The following TET3 variants were observed in gnomAD, a reference collection of about 807,000 sequenced individuals.
TET3 encodes methylcytosine dioxygenase TET3.
TET3 carries 19 observed loss-of-function variants against 141.4 expected under a neutral mutation model. The ratio of observed to expected loss-of-function variants is 0.13; its 90% CI spans 0.09 to 0.20. TET3 has a LOEUF of 0.20. TET3 is among the 10% of genes least tolerant of loss of function. TET3 has a pLI of 1.00. For synonymous variants in TET3, 1,043 were observed against 980.9 expected (o/e 1.06, Z -1.18); for missense variants, 1,874 against 2,356.9 (o/e 0.80, Z 4.24).
Position 74,100,668 on chromosome 2 carries a change from C to T in TET3, c.3880C>T (p.Pro1294Ser). 6.2e-7 allele frequency: 1 copy of T among 1,614,060 alleles called. No individual in the cohort carries two copies. The change falls in exon 12 of 12, where the codon CCC becomes TCC. Residue 1294 changes from proline (P) to serine (S), a missense_variant. Coordinates refer to ENST00000409262, the MANE Select transcript of TET3 (RefSeq NM_001287491.2). Reference protein sequence around the residue: ...FSYYGFPSSNPVFPSQFLGPG... With the variant: ...FSYYGFPSSNSVFPSQFLGPG... ...CTACTATGGCTTTCCATCCAGCAAC[C>T]CCGTCTTCCCCTCTCAGTTCCTGGG...
chr2:74,047,896 C>G lies in TET3; in HGVS notation c.1979C>G (p.Pro660Arg). 2.5e-6 allele frequency: 4 copies of G among 1,613,428 alleles called. No individual in the cohort carries two copies. The highest frequency in any genetic ancestry group is 2.5e-6 in the Non-Finnish European group (3 of 1,179,676). ...CAGGGCTCTGCTGTGCCCCTGCCCC[C>G]AGAACCTTCTCTTGCGCTATTTGCA... ...ASQGSAVPLP[P>R]EPSLALFAPS... is the part of the protein sequence containing the mutation. Residue 660 changes from proline to arginine, a missense_variant, in exon 4 of 12, where the codon CCA becomes CGA. This residue lies in a region of TET3 where 484 missense variants were observed against 462.2 expected (regional missense o/e 1.05). Coordinates refer to ENST00000409262, the MANE Select transcript of TET3 (RefSeq NM_001287491.2).
intron 2 of TET3, among the ~76,000 whole-genome samples, chr2:73,987,581 A>G (rs1178687577): frequency 6.6e-6 from 1 of 152,218 alleles, no homozygotes; most frequent in African/African-American, 2.4e-5. Flanking sequence ...GAAGTTGAGC[A>G]GCTTAGGAGG....
At chr2:74,062,567 T>G (rs1305471688) in intron 4 of TET3, among the ~76,000 whole-genome samples, 1 of 152,222 alleles carries the variant, frequency 6.6e-6, no homozygotes, top group Non-Finnish European at 1.5e-5. Flanking sequence ...GGTGCTAACT[T>G]TTCTCTTTAG....
chr2:74,010,779 T>G (rs1479751173), intron 3 of TET3, among the ~76,000 whole-genome samples: 1 of 152,182 alleles, frequency 6.6e-6, no homozygotes, highest in Non-Finnish European at 1.5e-5. Context: ...TATTGATCAA[T>G]ACAGAGTTTG....
rs113914884 is a variant in TET3 at position 74,043,206 on chromosome 2, G to C, written c.361-3072G>C. Among the ~76,000 whole-genome samples the C allele has an allele frequency of 5.5e-3, 833 of 152,328 alleles. 6 individuals are homozygous for C. Among genetic ancestry groups the C allele is most frequent in the African/African-American group, 0.019 (795 of 41,576 alleles). On this transcript the variant is annotated intron_variant, in intron 3 of 11. Transcript: ENST00000409262. ...AGATTTGACCACTTCAGATTGTATA[G>C]CCTTGTTAGCCACATTAGTTTAGGC...
chr2:74,031,131 C>T (rs1026686294), intron 3 of TET3, among the ~76,000 whole-genome samples: 3 of 151,194 alleles, frequency 2.0e-5, no homozygotes, highest in Non-Finnish European at 2.9e-5. Flanking sequence ...GCAGGCTGAG[C>T]GGTGGGGCCT....
At chr2:74,072,825 C>A (rs1043349527) in intron 4 of TET3, among the ~76,000 whole-genome samples, 1 of 152,192 alleles carries the variant, frequency 6.6e-6, no homozygotes, top group African/African-American at 2.4e-5. Context: ...CTAGATAATT[C>A]ATATCAGGGA....
intron 3 of TET3, among the ~76,000 whole-genome samples, chr2:74,013,047 C>T (rs1326300687): frequency 9.5e-5 from 14 of 147,886 alleles, no homozygotes; most frequent in Non-Finnish European, 1.9e-4. Context: ...CAGGCTGGAG[C>T]GCAATGGCAT....
downstream of TET3, among the ~76,000 whole-genome samples, chr2:74,113,113 A>G (rs60886405): frequency 0.093 from 13,745 of 147,304 alleles, 1,605 homozygotes; most frequent in African/African-American, 0.28. Context: ...AAGAATGGCC[A>G]GGCGCAGTGG....
At chr2:74,049,937 C>T (rs1033097644) in intron 4 of TET3, among the ~76,000 whole-genome samples, 3 of 152,018 alleles carry the variant, frequency 2.0e-5, no homozygotes, top group African/African-American at 2.4e-5. Context: ...TGACTAGTAA[C>T]GACATGACTT....
At chr2:74,126,588 G>A in the TET3 span, among the ~76,000 whole-genome samples, 10 of 142,098 alleles carry the variant, frequency 7.0e-5, no homozygotes, top group African/African-American at 2.4e-4. Context: ...TGCAAGCTCC[G>A]CCTCCCGGGT....
At chr2:74,031,805 G>T (rs1286770221) in intron 3 of TET3, among the ~76,000 whole-genome samples, 1 of 152,138 alleles carries the variant, frequency 6.6e-6, no homozygotes, top group Non-Finnish European at 1.5e-5. Context: ...TTGAGTGGGG[G>T]CAAACACACA....
chr2:74,014,213 C>T (rs1558712240), intron 3 of TET3, among the ~76,000 whole-genome samples: 1 of 152,020 alleles, frequency 6.6e-6, no homozygotes, highest in Non-Finnish European at 1.5e-5. Flanking sequence ...TCAGTTGGAT[C>T]CTTAGCACAT....
intron 2 of TET3, among the ~76,000 whole-genome samples, chr2:73,992,301 T>TTTTCTTTTTTTC (rs1558691768): frequency 6.9e-6 from 1 of 145,424 alleles, no homozygotes; most frequent in Non-Finnish European, 1.5e-5. Context: ...TCTTTTTTTC[T>TTTTCTTTTTTTC]TTTCTTTTTT....
chr2:74,058,844 T>C (rs1206794249), intron 4 of TET3, among the ~76,000 whole-genome samples: 1 of 151,920 alleles, frequency 6.6e-6, no homozygotes, highest in Non-Finnish European at 1.5e-5. Flanking sequence ...ATAAAAGGGG[T>C]TTTTATGTTT....
chr2:74,049,675 C>G (rs1023164884), intron 4 of TET3, among the ~76,000 whole-genome samples: 1 of 152,156 alleles, frequency 6.6e-6, no homozygotes, highest in East Asian at 1.9e-4. Flanking sequence ...ACGTAAATAT[C>G]AAGTAAGTCA....
downstream of TET3, among the ~76,000 whole-genome samples, chr2:74,109,719 C>T (rs923204118): frequency 2.0e-5 from 3 of 152,206 alleles, no homozygotes; most frequent in African/African-American, 4.8e-5. Context: ...TACTCCCCAC[C>T]GTGCCCCCGT....
the TET3 span, among the ~76,000 whole-genome samples, chr2:74,116,583 G>A: frequency 2.0e-5 from 3 of 151,766 alleles, no homozygotes; most frequent in Non-Finnish European, 1.5e-5. Flanking sequence ...TACTCGGCAG[G>A]CTGAGGCACG....
chr2:74,002,561 A>AGCAGC (rs1179305488), intron 2 of TET3, among the ~76,000 whole-genome samples: 10 of 152,080 alleles, frequency 6.6e-5, no homozygotes, highest in African/African-American at 2.4e-4. Flanking sequence ...AGCGCGGCTC[A>AGCAGC]GCAGCACCCT....
Sources: allele counts gnomAD v4.1 joint callset (sites outside exome capture counted in the v4.1 genomes callset), GRCh38; gene constraint gnomAD v4.1.1; regional missense constraint gnomAD v4.1.1; transcripts MANE v1.5; gene names NCBI Gene and HGNC (gene_info 2026-07-23, HGNC 2026-07-21).